Variants in ATP4B observed in about 807,000 individuals in gnomAD.
ATP4B encodes the protein ATPase H+/K+ transporting subunit beta.
Under a neutral mutation model 35.3 loss-of-function variants are expected in ATP4B, and 27 were observed. That is an observed-to-expected ratio of 0.76 (90% confidence interval 0.56 to 1.05). The LOEUF (loss-of-function observed/expected upper bound fraction) is 1.05, where lower values mean the gene tolerates loss of function less well. ATP4B is among the 50% of genes least tolerant of loss of function. The probability of loss-of-function intolerance (pLI) is 0.00; values close to 1 mark genes in which losing one functional copy is unlikely to be tolerated. For synonymous variants in ATP4B, 162 were observed against 156.0 expected (o/e 1.04, Z -0.29); for missense variants, 375 against 384.8 (o/e 0.97, Z 0.21).
chr13:113,651,007 T>A (rs191821366), intron 5 of ATP4B, among the ~76,000 whole-genome samples: 247 of 151,566 alleles, frequency 1.6e-3, no homozygotes, highest in African/African-American at 5.8e-3. Flanking sequence ...GGAGCCGCAG[T>A]GTGGCCCAAA....
chr13:113,657,925 G>T (rs891302875), intron 1 of ATP4B, 108 bp downstream of exon 1: 1 of 891,014 alleles, frequency 1.1e-6, no homozygotes, highest in Non-Finnish European at 1.7e-6. Context: ...CAGCATCGGG[G>T]TCTCACTGTC....
chr13:113,653,752 A>G (rs777533004), intron 2 of ATP4B, among the ~76,000 whole-genome samples: 32 of 152,230 alleles, frequency 2.1e-4, no homozygotes, highest in Non-Finnish European at 3.2e-4. Flanking sequence ...CTGGGTTTCT[A>G]TGTAAAATTG....
At position 113,649,699 on chromosome 13, in the gene ATP4B, A is replaced by AC. The variant is rs1373515762; in HGVS notation, c.715-165dup. Among the ~76,000 whole-genome samples, 3 of 151,964 alleles carry AC rather than the reference A, an allele frequency of 2.0e-5. No homozygotes were observed. The highest frequency in any genetic ancestry group is 4.2e-4 in the South Asian group (2 of 4,818). On this transcript the variant is annotated intron_variant, in intron 6 of 6. Transcript: ENST00000335288. This position sits in a 1 kb window ranked among gnomAD's most constrained non-coding sequence, Gnocchi z 4.7. Reference sequence around the variant, plus strand: ...ATGCCCTGGAATTTGCTGAGATAACACCCCCCATGTAAAAATGGAAAGCAA... The same window carrying AC: ...ATGCCCTGGAATTTGCTGAGATAACACCCCCCCATGTAAAAATGGAAAGCAA...
chr13:113,658,124 C>T lies in ATP4B; in HGVS notation c.21G>A (p.Lys7=). Residue 7 remains lysine, a synonymous_variant, in exon 1 of 7, where the codon AAG becomes AAA. Transcript: ENST00000335288. MAALQE[K]KTCGQRMEEF... ...CCTCCATGCGCTGGCCACACGTCTTCTTCTCCTGCAGAGCCGCCATCGTCC... is the reference window on the plus strand; with the variant it reads ...CCTCCATGCGCTGGCCACACGTCTTTTTCTCCTGCAGAGCCGCCATCGTCC... The T allele has an allele frequency of 6.2e-7, 1 of 1,612,980 alleles. No homozygotes were observed. The highest frequency in any genetic ancestry group is 2.2e-5 in the East Asian group (1 of 44,858).
At position 113,654,732 on chromosome 13, in the gene ATP4B, G is replaced by A. The variant is rs117203767; in HGVS notation, c.241+82C>T. On this transcript the variant is annotated intron_variant, in intron 2 of 6. Coordinates refer to ENST00000335288, the MANE Select transcript of ATP4B (RefSeq NM_000705.4). ...TGGGCTTCATTTCTGGGGAGGGCAC[G>A]GGTCCCCCGGGCGTCTCCAGAGCCG... The A allele has an allele frequency of 3.5e-3, 5,360 of 1,515,800 alleles. 14 individuals carry two copies. Among genetic ancestry groups the A allele is most frequent in the South Asian group, 8.3e-3 (639 of 76,788 alleles). The allele number at this position is 1,515,800 out of a possible 1,614,324, so 93.9% of individuals were successfully genotyped here. A position where few individuals can be genotyped will look rare whatever the true frequency, so the allele number is the denominator to read the frequency against.
At chr13:113,657,352 C>A (rs1319043994) in intron 1 of ATP4B, among the ~76,000 whole-genome samples, 1 of 152,250 alleles carries the variant, frequency 6.6e-6, no homozygotes, top group Non-Finnish European at 1.5e-5. Context: ...TTCCTCCAGA[C>A]TCTCTCATAA....
At chr13:113,652,622 C>T in intron 4 of ATP4B, 1 of 573,202 alleles carries the variant, frequency 1.7e-6, no homozygotes, top group Non-Finnish European at 3.2e-6. Flanking sequence ...GCAGAGACCC[C>T]TGTTCAAATG....
In ATP4B at chr13:113,654,782, C is replaced by T. The variant is rs377531573; in HGVS notation, c.241+32G>A. On this transcript the variant is annotated intron_variant, in intron 2 of 6. Coordinates refer to ENST00000335288, the MANE Select transcript of ATP4B (RefSeq NM_000705.4). ...GAGGAGGCGGCAGCCTGGCCTGTCA[C>T]ACGGCATGGGGGCAACATCCCGGGC... The T allele has an allele frequency of 7.9e-5, 127 of 1,606,688 alleles. 4 individuals are homozygous for T. The Middle Eastern group carries it at 0.01, about 129-fold the overall frequency.
chr13:113,653,015 A>T lies in ATP4B; in HGVS notation c.413T>A (p.Phe138Tyr). 1 of 1,614,084 alleles carries T rather than the reference A, an allele frequency of 6.2e-7. No individual in the cohort carries two copies. The change falls in exon 4 of 7, where the codon TTC becomes TAC. Residue 138 changes from phenylalanine (F) to tyrosine (Y), a missense_variant. Physicochemically the swap from Phe to Tyr is conservative, Grantham distance 22 (BLOSUM62 3). Transcript: ENST00000335288. Reference sequence around the variant, plus strand: ...GTTGGGAGCGCGGAAACTCTCCTGGAAGAAGTACTGCTCGGAGGTGCAGTT... The same window carrying T: ...GTTGGGAGCGCGGAAACTCTCCTGGTAGAAGTACTGCTCGGAGGTGCAGTT... ...SINCTSEQYF[F>Y]QESFRAPNHT...
rs531698043 is a variant in ATP4B at position 113,654,852 on chromosome 13, G to A, written c.203C>T (p.Pro68Leu). 111 of 1,614,106 alleles carry A rather than the reference G, an allele frequency of 6.9e-5. No homozygotes were observed. The highest frequency in any genetic ancestry group is 4.5e-4 in the Admixed American group (27 of 60,026). ...CLYVLMQTVD[P>L]YTPDYQDQLR... The stretch of plus-strand genomic sequence containing the variant: ...CTGGTCTTGGTAGTCCGGTGTGTAC[G>A]GGTCCACTGTCTGCATCAGCACATA... The change falls in exon 2 of 7, where the codon CCG becomes CTG. Residue 68 changes from proline (P) to leucine (L), a missense_variant. Transcript: ENST00000335288.
At chr13:113,653,543 C>T in intron 2 of ATP4B, 109 bp from the exon 3 acceptor site, 1 of 875,966 alleles carries the variant, frequency 1.1e-6, no homozygotes, top group Non-Finnish European at 1.8e-6. Context: ...AACCCAGGAG[C>T]CTCCTCGGAG....
chr13:113,658,190 G>A lies in ATP4B; in HGVS notation c.-46C>T, dbSNP rs147121927. ...CCCGTCTGCTCCCTGCACCCTCTAC[G>A]CCCAGACTGAGGCCAGATGCCCACC... On this transcript the variant is annotated 5_prime_UTR_variant, in exon 1 of 7. Transcript: ENST00000335288. 5.9e-5 allele frequency: 91 copies of A among 1,551,762 alleles called. No homozygotes were observed. In the African/African-American group the frequency reaches 6.0e-4, roughly 10 times the overall value.
chr13:113,650,105 A>G lies in ATP4B; in HGVS notation c.714+301T>C, dbSNP rs185383492. On this transcript the variant is annotated intron_variant, in intron 6 of 6. Transcript: ENST00000335288. The surrounding 1 kb of genome is among the most constrained non-coding windows in gnomAD (Gnocchi z 5.0). ...TTGAGCCCAGGTGGTTGAGGCTGCA[A>G]TGAGCTAAGATGCTAAGATTGCATT... Among the ~76,000 whole-genome samples, 441 of 151,998 alleles carry G rather than the reference A, an allele frequency of 2.9e-3. 1 individual carries two copies. The highest frequency in any genetic ancestry group is 1.0e-2 in the African/African-American group (413 of 41,412).
At chr13:113,656,250 C>G (rs1216936432) in intron 1 of ATP4B, among the ~76,000 whole-genome samples, 2 of 152,204 alleles carry the variant, frequency 1.3e-5, no homozygotes, top group Non-Finnish European at 2.9e-5. Context: ...TTCTATTTGA[C>G]TTGGCCGCCT....
chr13:113,651,614 C>A, intron 5 of ATP4B, 57 bp downstream of exon 5: 1 of 1,513,694 alleles, frequency 6.6e-7, no homozygotes, highest in South Asian at 1.3e-5. Context: ...TGAACCAGCA[C>A]GACCCTGACA....
At chr13:113,651,797 C>A in intron 4 of ATP4B, 70 bp from the exon 5 acceptor site, 1 of 1,563,520 alleles carries the variant, frequency 6.4e-7, no homozygotes, top group African/African-American at 1.4e-5. Context: ...GGCACCCACC[C>A]ATGGAGCTGA....
At chr13:113,657,997 C>T (rs1033458372) in intron 1 of ATP4B, 36 bp downstream of exon 1, 3 of 1,539,064 alleles carry the variant, frequency 1.9e-6, no homozygotes, top group African/African-American at 2.7e-5. Context: ...GAGCGGCCCC[C>T]TCCATGCACC....
chr13:113,653,264 C>G lies in ATP4B; in HGVS notation c.355+57G>C, dbSNP rs552041599. ...GCCGCTTCACACCTCACCCACCCGC[C>G]GCTTCACACCTCACCCACCCGCCGC... On this transcript the variant is annotated intron_variant, in intron 3 of 6. Coordinates refer to ENST00000335288, the MANE Select transcript of ATP4B (RefSeq NM_000705.4). The G allele has an allele frequency of 2.0e-6, 3 of 1,533,968 alleles. No homozygotes were observed. The Admixed American group carries it at 5.1e-5, about 26-fold the overall frequency.
intron 1 of ATP4B, among the ~76,000 whole-genome samples, chr13:113,656,305 C>A (rs560865076): frequency 6.6e-6 from 1 of 152,174 alleles, no homozygotes; most frequent in South Asian, 2.1e-4. Flanking sequence ...TCTCTGTTCC[C>A]CCGCTGTGGG....
Sources: allele counts gnomAD v4.1 joint callset (sites outside exome capture counted in the v4.1 genomes callset), GRCh38; gene constraint gnomAD v4.1.1; non-coding constraint Gnocchi (gnomAD v3.1); transcripts MANE v1.5; gene names NCBI Gene and HGNC (gene_info 2026-07-23, HGNC 2026-07-21).